Variants in FAAH2 observed in about 807,000 individuals in gnomAD.
The protein encoded by FAAH2 is fatty acid amide hydrolase 2.
A neutral mutation model predicts 36.9 loss-of-function variants in FAAH2; 60 were observed. The observed-to-expected ratio is 1.63, with a 90% CI of 1.32 to 2.02. FAAH2 has a LOEUF of 2.02. FAAH2 is among the 30% of genes most tolerant of loss of function. FAAH2 has a pLI of 0.00. For missense variants in FAAH2, 689 were observed against 397.5 expected, an observed-to-expected ratio of 1.73 and a Z score of -6.23; for synonymous variants, 214 against 143.8, an observed-to-expected ratio of 1.49 and a Z score of -3.49.
In FAAH2 at chrX:57,362,604, T is replaced by C. The variant is rs1350969803; in HGVS notation, c.743-16047T>C. Among the ~76,000 whole-genome samples, 3 of 111,877 alleles carry C rather than the reference T, an allele frequency of 2.7e-5. No homozygotes were observed. The Admixed American group carries it at 2.8e-4, about 11-fold the overall frequency. ...GCTGTGCAAAAGCTCTTTCACTTAA[T>C]TATGTCCTACTTGTCAAATTTTGTT... On this transcript the variant is annotated intron_variant, in intron 5 of 10. Coordinates refer to ENST00000374900, the MANE Select transcript of FAAH2 (RefSeq NM_174912.4).
chrX:57,334,901 G>A (rs761542224), intron 4 of FAAH2, among the ~76,000 whole-genome samples: 2 of 111,292 alleles, frequency 1.8e-5, no homozygotes, highest in East Asian at 5.7e-4. Context: ...AATTATAGTG[G>A]GAGAACTTAA....
the FAAH2 span, among the ~76,000 whole-genome samples, chrX:57,148,399 G>C: frequency 2.7e-5 from 3 of 111,687 alleles, no homozygotes; most frequent in East Asian, 5.6e-4. Context: ...CATGAGCATG[G>C]AATGTTCTTC....
intron 10 of FAAH2, among the ~76,000 whole-genome samples, chrX:57,466,502 A>G (rs1243685423): frequency 1.8e-5 from 2 of 109,066 alleles, no homozygotes; most frequent in East Asian, 5.7e-4. Flanking sequence ...GCATATAGAA[A>G]ACATGTAGCA....
At chrX:57,416,589 G>C (rs748732614) in intron 7 of FAAH2, among the ~76,000 whole-genome samples, 1 of 112,252 alleles carries the variant, frequency 8.9e-6, no homozygotes, top group Admixed American at 9.4e-5. Flanking sequence ...GGTTTCTGCA[G>C]AGTTCTGCAG....
chrX:57,383,984 C>A (rs1312638890), intron 7 of FAAH2, among the ~76,000 whole-genome samples: 1 of 111,482 alleles, frequency 9.0e-6, no homozygotes, highest in African/African-American at 3.3e-5. Flanking sequence ...AGATATAGCC[C>A]AATGGAACAG....
At chrX:57,208,648 C>T in the FAAH2 span, among the ~76,000 whole-genome samples, 1 of 111,751 alleles carries the variant, frequency 8.9e-6, no homozygotes, top group Non-Finnish European at 1.9e-5. Flanking sequence ...AGGGGTCTCA[C>T]AACCTTCAGA....
Position 57,380,943 on chromosome X carries a change from G to A in FAAH2, c.910G>A (p.Asp304Asn). The change falls in exon 7 of 11, where the codon GAC (aspartate) becomes AAC (asparagine). Residue 304 changes from aspartate to asparagine, a missense_variant. Transcript: ENST00000374900. ...LKLDTKVHLK[D>N]LKFYWMEHDG... ...ACTAGACACAAAGGTACATTTAAAA[G>A]ACTTAAAATTTTACTGGATGGAACA... The A allele has an allele frequency of 8.4e-7, 1 of 1,197,099 alleles. No homozygotes were observed. The highest frequency in any genetic ancestry group is 1.1e-6 in the Non-Finnish European group (1 of 887,707).
chrX:57,381,138 A>C, intron 7 of FAAH2, 109 bp downstream of exon 7: 1 of 560,598 alleles, frequency 1.8e-6, no homozygotes, highest in Non-Finnish European at 2.8e-6. Context: ...ATACGGAATT[A>C]AGGTTTTCAG....
At chrX:57,295,610 C>G (rs1250876086) in intron 2 of FAAH2, among the ~76,000 whole-genome samples, 1 of 111,751 alleles carries the variant, frequency 8.9e-6, no homozygotes, top group African/African-American at 3.3e-5. Flanking sequence ...ACAGTGGGTG[C>G]AGGACAGTGG....
chrX:57,321,085 A>G (rs2053008519), intron 3 of FAAH2, among the ~76,000 whole-genome samples: 1 of 110,168 alleles, frequency 9.1e-6, no homozygotes, highest in Non-Finnish European at 1.9e-5. Context: ...GTTTGCAGTG[A>G]GCCCAGATGG....
intron 10 of FAAH2, chrX:57,452,086 A>G (rs901608211): frequency 1.1e-5 from 7 of 617,667 alleles, no homozygotes; most frequent in Non-Finnish European, 1.4e-5. Context: ...GAAACAGCTT[A>G]CAAAAGTGGC....
At chrX:57,232,319 G>GT in the FAAH2 span, among the ~76,000 whole-genome samples, 1 of 111,678 alleles carries the variant, frequency 9.0e-6, no homozygotes, top group Admixed American at 9.5e-5. Context: ...AGAAAATGGT[G>GT]TTAAGAAAAT....
At chrX:57,472,585 C>T (rs2057190593) in intron 10 of FAAH2, among the ~76,000 whole-genome samples, 1 of 111,616 alleles carries the variant, frequency 9.0e-6, no homozygotes, top group South Asian at 3.7e-4. Context: ...CAAAACCTGA[C>T]TGTGAATCTG....
At chrX:57,162,788 A>T in the FAAH2 span, among the ~76,000 whole-genome samples, 2 of 112,020 alleles carry the variant, frequency 1.8e-5, no homozygotes, top group East Asian at 5.6e-4. Flanking sequence ...GTTTTCAACT[A>T]CTTTGCATTT....
At chrX:57,137,468 G>A in the FAAH2 span, 1 of 414,294 alleles carries the variant, frequency 2.4e-6, no homozygotes, top group African/African-American at 2.7e-5. Context: ...CCACCCCTCA[G>A]CCACGTTGGG....
the FAAH2 span, among the ~76,000 whole-genome samples, chrX:57,123,234 T>C: frequency 2.7e-5 from 3 of 111,533 alleles, no homozygotes; most frequent in Admixed American, 2.8e-4. Context: ...TTCCCACCTA[T>C]GAGTGAGAAC....
intron 7 of FAAH2, among the ~76,000 whole-genome samples, chrX:57,406,351 C>A (rs2055567022): frequency 8.9e-6 from 1 of 112,250 alleles, no homozygotes; most frequent in African/African-American, 3.2e-5. Context: ...TAGCACTATG[C>A]TGTGTCAGCA....
At chrX:57,343,707 G>A (rs182537447) in intron 5 of FAAH2, among the ~76,000 whole-genome samples, 222 of 111,622 alleles carry the variant, frequency 2.0e-3, no homozygotes, top group South Asian at 4.1e-3. Flanking sequence ...GTTGAGAAGG[G>A]TATCTCCTAG....
chrX:57,405,638 G>T (rs1394200664), intron 7 of FAAH2, among the ~76,000 whole-genome samples: 1 of 105,232 alleles, frequency 9.5e-6, no homozygotes, highest in African/African-American at 3.5e-5. Context: ...AATAGGAGGG[G>T]GCCCAAGGGG....
Sources: gnomAD v4.1 joint callset for allele counts (sites outside exome capture counted in the v4.1 genomes callset) on GRCh38, gnomAD v4.1.1 for gene constraint, MANE v1.5 for transcripts, NCBI Gene and HGNC (gene_info 2026-07-23, HGNC 2026-07-21) for gene names.